The following MPIG6B variants were observed in gnomAD, a reference collection of about 807,000 sequenced individuals.
MPIG6B encodes the protein immunoglobulin receptor.
A neutral mutation model predicts 24.2 loss-of-function variants in MPIG6B; 22 were observed. The ratio of observed to expected loss-of-function variants is 0.91; its 90% CI spans 0.65 to 1.30. The LOEUF (loss-of-function observed/expected upper bound fraction) is 1.30, where lower values mean the gene tolerates loss of function less well. Ranked by LOEUF, MPIG6B falls within the 50% of genes most tolerant of loss-of-function variation. The probability of loss-of-function intolerance (pLI) is 0.00; values close to 1 mark genes in which losing one functional copy is unlikely to be tolerated. For missense variants in MPIG6B, 301 were observed against 318.5 expected, an observed-to-expected ratio of 0.94 and a Z score of 0.42; for synonymous variants, 136 against 142.0, an observed-to-expected ratio of 0.96 and a Z score of 0.30.
rs1400142656 is a variant in MPIG6B, at chr6:31,723,734, T to A, written c.157T>A (p.Cys53Ser). Residue 53 changes from cysteine (C) to serine (S), a missense_variant, in exon 2 of 6, where the codon TGC (cysteine) becomes AGC (serine). Physicochemically the swap from Cys to Ser is moderately radical, Grantham distance 112. Coordinates refer to ENST00000649779, the MANE Select transcript of MPIG6B (RefSeq NM_138272.3). This position sits in a 1 kb window ranked among gnomAD's most constrained non-coding sequence, Gnocchi z 4.3. The part of the protein sequence containing the change: ...RWVWAPSFPA[C>S]KGLSKGRRPI... The stretch of plus-strand genomic sequence containing the variant: ...GGTCTGGGCACCCAGCTTCCCGGCC[T>A]GCAAGGGCCTGTCCAAAGGACGCCG... 3 of 1,613,294 alleles carry A rather than the reference T, an allele frequency of 1.9e-6. No homozygotes were observed. Among genetic ancestry groups the A allele is most frequent in the Admixed American group, 3.3e-5 (2 of 59,982 alleles).
In MPIG6B at chr6:31,724,132, T is replaced by C; in HGVS notation, c.410-10T>C. Reference sequence around the variant, plus strand: ...CCTCAGCATCCCTCCCCGCCACGCCTTTCCCCCAGGGTCCGTGTATCCCCA... The same window carrying C: ...CCTCAGCATCCCTCCCCGCCACGCCCTTCCCCCAGGGTCCGTGTATCCCCA... On this transcript the variant is annotated splice_polypyrimidine_tract_variant and intron_variant, in intron 2 of 5. Transcript: ENST00000649779. 6.2e-7 allele frequency: 1 copy of C among 1,611,602 alleles called. No homozygotes were observed. The highest frequency in any genetic ancestry group is 8.5e-7 in the Non-Finnish European group (1 of 1,178,846).
In MPIG6B at chr6:31,725,034, A is replaced by C. The variant is rs1253196292; in HGVS notation, c.686A>C (p.Asp229Ala). The change falls in exon 6 of 6, where the codon GAC becomes GCC. Residue 229 changes from aspartate (D) to alanine (A), a missense_variant. Coordinates refer to ENST00000649779, the MANE Select transcript of MPIG6B (RefSeq NM_138272.3). This position sits in a 1 kb window ranked among gnomAD's most constrained non-coding sequence, Gnocchi z 5.2. ...LSRPRRLSTA[D>A]PADASTIYAV... Reference sequence around the variant, plus strand: ...AGGCCCCGCCGGCTGTCCACAGCGGACCCTGCTGATGCCTCCACCATCTAT... The same window carrying C: ...AGGCCCCGCCGGCTGTCCACAGCGGCCCCTGCTGATGCCTCCACCATCTAT... 1 of 1,613,604 alleles carries C rather than the reference A, an allele frequency of 6.2e-7. No individual in the cohort carries two copies. Among genetic ancestry groups the C allele is most frequent in the Admixed American group, 1.7e-5 (1 of 60,010 alleles).
rs1385516109 is a variant in MPIG6B at position 31,724,599 on chromosome 6, G to A, written c.513G>A (p.Pro171=). The A allele has an allele frequency of 5.6e-6, 9 of 1,613,628 alleles. No homozygotes were observed. Among genetic ancestry groups the A allele is most frequent in the Non-Finnish European group, 7.6e-6 (9 of 1,179,650 alleles). The change falls in exon 4 of 6, where the codon CCG becomes CCA. Residue 171 remains proline (P), a synonymous_variant. Coordinates refer to ENST00000649779, the MANE Select transcript of MPIG6B (RefSeq NM_138272.3). The part of the protein sequence containing the change: ...LVWWLHRRLP[P]QPIRPLPRFA... ...ATGTCCCTTACAGGCGCCTGCCCCC[G>A]CAACCGATTCGACCACTCCCTAGAT...
upstream of MPIG6B, chr6:31,723,359 A>G (rs1380867480): frequency 6.2e-7 from 1 of 1,603,616 alleles, no homozygotes; most frequent in South Asian, 1.1e-5. The surrounding 1 kb of genome is among the most constrained non-coding windows in gnomAD (Gnocchi z 4.3). Flanking sequence ...ATTCGCTCGC[A>G]GCTTCTCCTC....
intron 2 of MPIG6B, 33 bp downstream of exon 2, chr6:31,724,019 A>T (rs1016040057): frequency 6.4e-7 from 1 of 1,560,124 alleles, no homozygotes; most frequent in African/African-American, 1.4e-5. Flanking sequence ...AAGGGTACTT[A>T]ACTCCGACAC....
At chr6:31,724,722 G>A (rs1807180950) in intron 4 of MPIG6B, 43 bp from the exon 5 acceptor site, 2 of 1,612,328 alleles carry the variant, frequency 1.2e-6, no homozygotes, top group Non-Finnish European at 1.7e-6. Context: ...CAGACACGTT[G>A]GTCACCTTCT....
Position 31,723,539 on chromosome 6 carries a change from G to T in MPIG6B, c.61+95G>T. The stretch of plus-strand genomic sequence containing the variant: ...GTGGGTTGTGTGTGGGAAGATCCAG[G>T]ATGGCTGGAGTGCAGAACAGAGAAG... On this transcript the variant is annotated intron_variant, in intron 1 of 5. Transcript: ENST00000649779. The surrounding 1 kb of genome is among the most constrained non-coding windows in gnomAD (Gnocchi z 4.3). 1 of 1,439,238 alleles carries T rather than the reference G, an allele frequency of 6.9e-7. No homozygotes were observed. Among genetic ancestry groups the T allele is most frequent in the Non-Finnish European group, 9.6e-7 (1 of 1,037,638 alleles). 89.2% of individuals were successfully genotyped at this position (1,439,238 alleles called of 1,614,324 possible).
At chr6:31,724,360 G>C (rs1415942343) in intron 3 of MPIG6B, 128 bp downstream of exon 3, 6 of 871,966 alleles carry the variant, frequency 6.9e-6, no homozygotes, top group Non-Finnish European at 1.1e-5. Context: ...GAATGGGAGA[G>C]GTCAAAGGTG....
upstream of MPIG6B, among the ~76,000 whole-genome samples, chr6:31,722,145 T>C (rs1289725694): frequency 6.6e-6 from 1 of 152,172 alleles, no homozygotes; most frequent in Non-Finnish European, 1.5e-5. Flanking sequence ...GGGTCCCTGC[T>C]GGGCATTGAT....
chr6:31,723,271 A>T, upstream of MPIG6B: 62 of 622,268 alleles, frequency 1.0e-4, no homozygotes, highest in Middle Eastern at 4.4e-4. This position sits in a 1 kb window ranked among gnomAD's most constrained non-coding sequence, Gnocchi z 4.3. Flanking sequence ...CCCCTCTCTT[A>T]TCGGAGCCCC....
At position 31,723,706 on chromosome 6, in the gene MPIG6B, C is replaced by G; in HGVS notation, c.129C>G (p.Arg43=). 6.2e-7 allele frequency: 1 copy of G among 1,611,262 alleles called. No individual in the cohort carries two copies. Among genetic ancestry groups the G allele is most frequent in the South Asian group, 1.1e-5 (1 of 90,884 alleles). ...LSCGGVSHPI[R]WVWAPSFPAC... is the part of the protein sequence containing the mutation. Reference sequence around the variant, plus strand: ...GCGGAGGAGTCTCTCATCCCATCCGCTGGGTCTGGGCACCCAGCTTCCCGG... The same window carrying G: ...GCGGAGGAGTCTCTCATCCCATCCGGTGGGTCTGGGCACCCAGCTTCCCGG... The change falls in exon 2 of 6, where the codon CGC becomes CGG. Residue 43 remains arginine (R), a synonymous_variant. Transcript: ENST00000649779. This position sits in a 1 kb window ranked among gnomAD's most constrained non-coding sequence, Gnocchi z 4.3.
In MPIG6B at chr6:31,723,923, A is replaced by G. The variant is rs763837376; in HGVS notation, c.346A>G (p.Ser116Gly). The change falls in exon 2 of 6, where the codon AGC (serine) becomes GGC (glycine). Residue 116 changes from serine (S) to glycine (G), a missense_variant. By Grantham distance (56) the Ser-to-Gly change is moderately conservative. Coordinates refer to ENST00000649779, the MANE Select transcript of MPIG6B (RefSeq NM_138272.3). The surrounding 1 kb of genome is among the most constrained non-coding windows in gnomAD (Gnocchi z 4.3). Reference protein sequence around the residue: ...FFCKGRHEDESRTVLHVLGDR... With the variant: ...FFCKGRHEDEGRTVLHVLGDR... ...CTGCAAGGGCCGCCACGAGGACGAG[A>G]GCCGTACAGTGCTTCACGTGCTGGG... 4.4e-6 allele frequency: 7 copies of G among 1,588,450 alleles called. No individual in the cohort carries two copies. Among genetic ancestry groups the G allele is most frequent in the Non-Finnish European group, 5.1e-6 (6 of 1,167,232 alleles).
At chr6:31,721,464 A>G (rs1806779218), upstream of MPIG6B, among the ~76,000 whole-genome samples, 1 of 151,834 alleles carries the variant, frequency 6.6e-6, no homozygotes, top group African/African-American at 2.4e-5. Context: ...TAGAGCAAGG[A>G]GGCTGTCATA....
chr6:31,724,270 G>A (rs1398292839), intron 3 of MPIG6B, 38 bp downstream of exon 3: 2 of 1,505,416 alleles, frequency 1.3e-6, no homozygotes, highest in South Asian at 2.3e-5. Context: ...AATGGGGAGT[G>A]ACCAGAGGTG....
upstream of MPIG6B, chr6:31,721,746 T>C: frequency 1.3e-6 from 2 of 1,565,276 alleles, no homozygotes; most frequent in Non-Finnish European, 1.8e-6. Context: ...GATCCAGCTC[T>C]AGGAGTTGAG....
chr6:31,722,709 GTC>G (rs9279395), upstream of MPIG6B, among the ~76,000 whole-genome samples: 4 of 72,186 alleles, frequency 5.5e-5, no homozygotes. Context: ...ACAAAAATTA[GTC>G]AGGTGTGGTG....
upstream of MPIG6B, chr6:31,723,333 C>G: frequency 2.6e-6 from 4 of 1,543,574 alleles, no homozygotes; most frequent in Non-Finnish European, 3.6e-6. The surrounding 1 kb of genome is among the most constrained non-coding windows in gnomAD (Gnocchi z 4.3). Flanking sequence ...CCCCCCCAAC[C>G]GGCCCCACGC....
intron 3 of MPIG6B, 41 bp downstream of exon 3, chr6:31,724,273 C>T: frequency 2.7e-6 from 4 of 1,499,912 alleles, no homozygotes; most frequent in Non-Finnish European, 2.8e-6. Flanking sequence ...GGGGAGTGAC[C>T]AGAGGTGGAA....
chr6:31,721,246 G>C (rs1397960985), upstream of MPIG6B, among the ~76,000 whole-genome samples: 1 of 152,156 alleles, frequency 6.6e-6, no homozygotes, highest in Non-Finnish European at 1.5e-5. Flanking sequence ...ACACCTTACT[G>C]AGCACAGCAG....
Sources: gnomAD v4.1 joint callset for allele counts (sites outside exome capture counted in the v4.1 genomes callset) on GRCh38, gnomAD v4.1.1 for gene constraint, Gnocchi (gnomAD v3.1) non-coding constraint, MANE v1.5 for transcripts, NCBI Gene and HGNC (gene_info 2026-07-23, HGNC 2026-07-21) for gene names.